Variants in GSG1 observed in about 807,000 individuals in gnomAD.
GSG1 encodes the protein germ cell-specific gene 1 protein.
In GSG1, 28 loss-of-function variants were observed where a neutral mutation model predicts 30.8. The observed-to-expected ratio is 0.91, with a 90% confidence interval of 0.67 to 1.25. GSG1 has a LOEUF of 1.25. Among genes scored for constraint, GSG1 ranks in the 50% most tolerant of loss-of-function variants. The pLI, the probability that GSG1 is intolerant of heterozygous loss-of-function variation, is 0.00. For missense variants in GSG1, 435 were observed against 444.7 expected (o/e 0.98, Z 0.20); for synonymous variants, 162 against 178.0 (o/e 0.91, Z 0.71).
chr12:13,090,496 AGGC>A lies in GSG1; in HGVS notation c.364+4_364+6del, dbSNP rs1365563145. ...CCGTTGCTCTTATATCCCAGAATGT[AGGC>A]TACCTGGTTCTTCCACAGTTTCCTC... On this transcript the variant is annotated splice_donor_5th_base_variant and intron_variant, in intron 2 of 6. Transcript: ENST00000651961. The A allele has an allele frequency of 1.2e-6, 2 of 1,602,410 alleles. No homozygotes were observed. The highest frequency in any genetic ancestry group is 8.5e-7 in the Non-Finnish European group (1 of 1,171,986).
At chr12:13,098,823 A>G (rs1401028724) in intron 1 of GSG1, among the ~76,000 whole-genome samples, 1 of 152,046 alleles carries the variant, frequency 6.6e-6, no homozygotes, top group Non-Finnish European at 1.5e-5. Context: ...CGCCTTCTCC[A>G]GGGAAATGGG....
At chr12:13,100,160 AATG>A (rs1442274771) in intron 1 of GSG1, among the ~76,000 whole-genome samples, 3 of 152,228 alleles carry the variant, frequency 2.0e-5, no homozygotes, top group African/African-American at 7.2e-5. Flanking sequence ...TGAATGAATG[AATG>A]AATGAGATTT....
rs889482573 is a variant in GSG1, at chr12:13,101,124, C to T, written c.48+2341G>A. ...ACATCCTGTGGGGCAATCGCTCACG[C>T]GCGGGTGACGGCGCCAGCAGGCCGG... is the stretch of plus-strand genomic sequence containing the variant. On this transcript the variant is annotated intron_variant, in intron 1 of 6. Coordinates refer to ENST00000651961, the MANE Select transcript of GSG1 (RefSeq NM_001080555.4). This position sits in a 1 kb window ranked among gnomAD's most constrained non-coding sequence, Gnocchi z 5.8. Among the ~76,000 whole-genome samples the T allele has an allele frequency of 2.6e-5, 4 of 151,652 alleles. No individual in the cohort carries two copies. Among genetic ancestry groups the T allele is most frequent in the Non-Finnish European group, 4.4e-5 (3 of 67,904 alleles).
At chr12:13,088,748 G>A (rs2120683431) in intron 4 of GSG1, 114 bp downstream of exon 4, 1 of 1,612,990 alleles carries the variant, frequency 6.2e-7, no homozygotes, top group East Asian at 2.2e-5. Context: ...TTGCCACAAA[G>A]CCCCAAGGGA....
intron 1 of GSG1, among the ~76,000 whole-genome samples, chr12:13,099,740 GTTTTTTTTTGTTTTTTTT>G: frequency 1.0e-5 from 1 of 95,814 alleles, no homozygotes; most frequent in Admixed American, 1.1e-4. Flanking sequence ...GGGATCCGGT[GTTTTTTTTTGTTTTTTTT>G]TTTTTTTTTT....
intron 1 of GSG1, among the ~76,000 whole-genome samples, chr12:13,100,081 G>A (rs1285495753): frequency 6.6e-6 from 1 of 152,184 alleles, no homozygotes; most frequent in East Asian, 1.9e-4. Flanking sequence ...TATAGTAGCA[G>A]CTATGTTTTA....
rs1865285883 is a variant in GSG1 at position 13,083,714 on chromosome 12, G to A, written c.*1187C>T. ...CCCCACCCCATGACAGGCCCGGTGT[G>A]TGATGTTCCCCACCCTGTGTCCAAG... On this transcript the variant is annotated 3_prime_UTR_variant, in exon 7 of 7. Transcript: ENST00000651961. 8.0e-6 allele frequency: 1 copy of A among 125,654 alleles called. No individual in the cohort carries two copies. Among genetic ancestry groups the A allele is most frequent in the Admixed American group, 1.0e-4 (1 of 9,638 alleles). The allele number at this position is 125,654 out of a possible 1,614,324, so 7.8% of individuals were successfully genotyped here. A position where few individuals can be genotyped will look rare whatever the true frequency, so the allele number is the denominator to read the frequency against.
At chr12:13,097,603 C>G (rs955483987) in intron 1 of GSG1, among the ~76,000 whole-genome samples, 1 of 152,168 alleles carries the variant, frequency 6.6e-6, no homozygotes, top group Non-Finnish European at 1.5e-5. Context: ...AGCAGTCGTT[C>G]TCAGTTCTGA....
chr12:13,086,696 T>C (rs1165895154), intron 6 of GSG1, among the ~76,000 whole-genome samples: 2 of 151,790 alleles, frequency 1.3e-5, no homozygotes, highest in Non-Finnish European at 2.9e-5. Context: ...AAAATGGATA[T>C]AGAAGGAAGT....
intron 1 of GSG1, 41 bp from the exon 2 acceptor site, chr12:13,090,859 G>C: frequency 1.3e-6 from 2 of 1,547,796 alleles, no homozygotes; most frequent in Non-Finnish European, 1.8e-6. Context: ...GGGAGCAGGG[G>C]AGCTTGACTC....
chr12:13,090,825 T>C lies in GSG1; in HGVS notation c.49-7A>G, dbSNP rs765100584. The stretch of plus-strand genomic sequence containing the variant: ...AGGCCTTCGAGAGCTCCATCTGTAA[T>C]AGACAAGCACAAGTGGAAGGGAAGG... On this transcript the variant is annotated splice_polypyrimidine_tract_variant and splice_region_variant and intron_variant, in intron 1 of 6. Transcript: ENST00000651961. 8 of 1,600,122 alleles carry C rather than the reference T, an allele frequency of 5.0e-6. No homozygotes were observed. Among genetic ancestry groups the C allele is most frequent in the Non-Finnish European group, 6.8e-6 (8 of 1,171,540 alleles).
intron 1 of GSG1, among the ~76,000 whole-genome samples, chr12:13,099,762 T>TTTTTTTG (rs1863051650): frequency 4.0e-5 from 6 of 148,360 alleles, no homozygotes; most frequent in African/African-American, 1.2e-4. Flanking sequence ...TTTTTTTTTT[T>TTTTTTTG]TTTTTTGTTT....
intron 5 of GSG1, 25 bp from the exon 6 acceptor site, chr12:13,087,288 G>T (rs1865638819): frequency 6.4e-7 from 1 of 1,565,040 alleles, no homozygotes. Flanking sequence ...GGAAGGCAGA[G>T]CCCTTAGAGA....
chr12:13,088,950 G>A (rs1865823407), intron 3 of GSG1, 41 bp from the exon 4 acceptor site: 1 of 1,608,704 alleles, frequency 6.2e-7, no homozygotes, highest in Non-Finnish European at 8.5e-7. Flanking sequence ...CTACTCCCTG[G>A]GATGGTTGGA....
rs1185530300 is a variant in GSG1, at chr12:13,101,523, C to G, written c.48+1942G>C. Among the ~76,000 whole-genome samples, 1 of 152,186 alleles carries G rather than the reference C, an allele frequency of 6.6e-6. No individual in the cohort carries two copies. The highest frequency in any genetic ancestry group is 1.5e-5 in the Non-Finnish European group (1 of 68,016). On this transcript the variant is annotated intron_variant, in intron 1 of 6. Transcript: ENST00000651961. The surrounding 1 kb of genome is among the most constrained non-coding windows in gnomAD (Gnocchi z 5.8). ...GGGACTGCCAGGGCAGGCCAGGGAC[C>G]CGGCGAGCCGCGGAGGGCGGGGCCA...
rs759866466 is a variant in GSG1 at position 13,103,518 on chromosome 12, C to T, written c.-6G>A. On this transcript the variant is annotated 5_prime_UTR_variant, in exon 1 of 7. Transcript: ENST00000651961. ...AGTTGAGAGGGATCGCTCATTCACT[C>T]TTGCAGCGGGAAGGCAGAGAAGTTT... 6 of 1,614,008 alleles carry T rather than the reference C, an allele frequency of 3.7e-6. No homozygotes were observed. The Admixed American group carries it at 6.7e-5, about 18-fold the overall frequency.
At chr12:13,100,009 C>T (rs1320076875) in intron 1 of GSG1, among the ~76,000 whole-genome samples, 1 of 152,204 alleles carries the variant, frequency 6.6e-6, no homozygotes, top group African/African-American at 2.4e-5. Flanking sequence ...ATGTGCCTCT[C>T]TCGTGTAACT....
chr12:13,088,588 A>G, intron 4 of GSG1: 1 of 678,694 alleles, frequency 1.5e-6, no homozygotes, highest in South Asian at 2.0e-5. Context: ...CTGTTTTTGC[A>G]TTCCTGCATA....
At chr12:13,085,839 A>G (rs900612559) in intron 6 of GSG1, among the ~76,000 whole-genome samples, 1 of 152,220 alleles carries the variant, frequency 6.6e-6, no homozygotes, top group Non-Finnish European at 1.5e-5. Context: ...TATAGGTTGT[A>G]CTAGTGGAAT....
Sources: gnomAD v4.1 joint callset for allele counts (sites outside exome capture counted in the v4.1 genomes callset) on GRCh38, gnomAD v4.1.1 for gene constraint, Gnocchi (gnomAD v3.1) non-coding constraint, MANE v1.5 for transcripts, NCBI Gene and HGNC (gene_info 2026-07-23, HGNC 2026-07-21) for gene names.